PDE8A: variants seen among roughly 807,000 people sequenced by gnomAD.
The protein encoded by PDE8A is high affinity cAMP-specific and IBMX-insensitive 3',5'-cyclic phosphodiesterase 8A.
A neutral mutation model predicts 105.0 loss-of-function variants in PDE8A; 59 were observed. That is an observed-to-expected ratio of 0.56 (90% confidence interval 0.46 to 0.70). The LOEUF (loss-of-function observed/expected upper bound fraction) is 0.70. Ranked by LOEUF, PDE8A falls within the 30% of genes least tolerant of loss-of-function variation. The pLI is 0.00. For synonymous variants in PDE8A, 355 were observed against 371.9 expected, an observed-to-expected ratio of 0.95 and a Z score of 0.52; for missense variants, 1,014 against 1,045.9, an observed-to-expected ratio of 0.97 and a Z score of 0.42.
At chr15:85,126,533 T>C (rs935977696) in intron 20 of PDE8A, among the ~76,000 whole-genome samples, 159 bp downstream of exon 20, 2 of 151,754 alleles carry the variant, frequency 1.3e-5, no homozygotes, top group African/African-American at 4.8e-5. Flanking sequence ...ATTTTTTTTT[T>C]CTTAAGAATA....
chr15:85,003,929 T>C (rs2080105202), intron 1 of PDE8A, among the ~76,000 whole-genome samples: 1 of 152,220 alleles, frequency 6.6e-6, no homozygotes, highest in Non-Finnish European at 1.5e-5. Flanking sequence ...AAGGTTGCCA[T>C]GCTTGTCTAT....
rs369174231 is a variant in PDE8A at position 85,002,957 on chromosome 15, TTATTA to T, written c.186+20613_186+20617del. On this transcript the variant is annotated intron_variant, in intron 1 of 21. Coordinates refer to ENST00000394553, the MANE Select transcript of PDE8A (RefSeq NM_002605.3). ...GGAAGAAGACCAAAATATGTATTTC[TTATTA>T]TATCACAACTATACTTTGGTATTTC... is the stretch of plus-strand genomic sequence containing the variant. 1.7e-4 allele frequency among the ~76,000 whole-genome samples: 26 copies of T among 152,344 alleles called. No homozygotes were observed. In the East Asian group the frequency reaches 4.6e-3, roughly 27 times the overall value.
intron 15 of PDE8A, 38 bp from the exon 16 acceptor site, chr15:85,115,935 AGTTAATCCTTT>A (rs1596534207): frequency 8.5e-6 from 13 of 1,521,292 alleles, no homozygotes; most frequent in Admixed American, 1.9e-5. Context: ...AAAAAAAAAA[AGTTAATCCTTT>A]AAAGCCTATT....
At chr15:84,995,032 A>T (rs2079952763) in intron 1 of PDE8A, among the ~76,000 whole-genome samples, 1 of 152,044 alleles carries the variant, frequency 6.6e-6, no homozygotes, top group Non-Finnish European at 1.5e-5. Context: ...ATATTTCAGC[A>T]TGAATTTGAT....
chr15:85,000,819 C>T (rs2290273), intron 1 of PDE8A, among the ~76,000 whole-genome samples: 64,645 of 152,016 alleles, frequency 0.43, 14,927 homozygotes, highest in East Asian at 0.56. Flanking sequence ...AAATAATCTG[C>T]CCTGTTTTTC....
At chr15:84,981,838 C>T, upstream of PDE8A, 1 of 175,894 alleles carries the variant, frequency 5.7e-6, no homozygotes, top group Admixed American at 6.3e-5. Flanking sequence ...AATCTCCTCC[C>T]CCTATTTCCC....
chr15:85,110,433 A>G (rs549306442), intron 12 of PDE8A, among the ~76,000 whole-genome samples: 16 of 152,202 alleles, frequency 1.1e-4, no homozygotes, highest in Non-Finnish European at 1.5e-4. Context: ...CCCAAAATAG[A>G]TATAGAAAAT....
intron 1 of PDE8A, among the ~76,000 whole-genome samples, chr15:84,994,962 C>CA (rs11439217): frequency 0.35 from 49,930 of 141,090 alleles, 8,668 homozygotes; most frequent in Middle Eastern, 0.47. Flanking sequence ...AACTCTGTCT[C>CA]AAAAAAAAAA....
chr15:85,041,794 T>C (rs1475692352), intron 1 of PDE8A, among the ~76,000 whole-genome samples: 2 of 152,144 alleles, frequency 1.3e-5, no homozygotes, highest in Admixed American at 6.5e-5. Flanking sequence ...GCGATGATTG[T>C]CCAAGGCTGG....
At chr15:85,092,325 G>GTT (rs146879205) in intron 8 of PDE8A, among the ~76,000 whole-genome samples, 11 of 135,728 alleles carry the variant, frequency 8.1e-5, no homozygotes, top group South Asian at 2.2e-4. Context: ...TTTTTTTGTT[G>GTT]TTGTTTTTTT....
At chr15:85,070,246 T>G (rs552324388) in intron 3 of PDE8A, among the ~76,000 whole-genome samples, 42 of 152,334 alleles carry the variant, frequency 2.8e-4, no homozygotes, top group African/African-American at 9.9e-4. Context: ...TTGGAACTCC[T>G]TACACTCCTT....
At chr15:85,044,329 G>C (rs1264932611) in intron 1 of PDE8A, among the ~76,000 whole-genome samples, 1 of 150,610 alleles carries the variant, frequency 6.6e-6, no homozygotes, top group Non-Finnish European at 1.5e-5. Context: ...TGTTTAAATC[G>C]ACTGATGGGA....
intron 19 of PDE8A, among the ~76,000 whole-genome samples, chr15:85,123,413 A>C (rs1315814899): frequency 6.6e-6 from 1 of 151,476 alleles, no homozygotes; most frequent in Non-Finnish European, 1.5e-5. Context: ...GTAATAACTT[A>C]CACGATCACA....
intron 15 of PDE8A, 52 bp from the exon 16 acceptor site, chr15:85,115,932 A>C: frequency 6.4e-7 from 1 of 1,551,182 alleles, no homozygotes; most frequent in East Asian, 2.2e-5. Context: ...AAAAAAAAAA[A>C]AAAGTTAATC....
chr15:85,001,059 A>G (rs1316199044), intron 1 of PDE8A, among the ~76,000 whole-genome samples: 1 of 152,108 alleles, frequency 6.6e-6, no homozygotes, highest in Non-Finnish European at 1.5e-5. Flanking sequence ...CAGTTGCCAA[A>G]TTCAGACTCC....
chr15:85,137,972 A>G lies in PDE8A; in HGVS notation c.*69A>G. The G allele has an allele frequency of 1.0e-6, 1 of 963,778 alleles. No individual in the cohort carries two copies. The highest frequency in any genetic ancestry group is 1.6e-5 in the African/African-American group (1 of 61,994). 59.7% of individuals were successfully genotyped at this position (963,778 alleles called of 1,614,324 possible). A position where few individuals can be genotyped will look rare whatever the true frequency, so the allele number is the denominator to read the frequency against. On this transcript the variant is annotated 3_prime_UTR_variant, in exon 22 of 22. Coordinates refer to ENST00000394553, the MANE Select transcript of PDE8A (RefSeq NM_002605.3). ...ATTTGGAATTCCTGAGGGCAGCCAGAGCTCCTTGGTCCTTTCAGTACTAGG... is the reference window on the plus strand; with the variant it reads ...ATTTGGAATTCCTGAGGGCAGCCAGGGCTCCTTGGTCCTTTCAGTACTAGG...
intron 5 of PDE8A, among the ~76,000 whole-genome samples, chr15:85,080,035 A>C (rs1249819901): frequency 6.6e-6 from 1 of 152,232 alleles, no homozygotes; most frequent in Non-Finnish European, 1.5e-5. Context: ...GACACTTAAC[A>C]TGATAAAAGG....
At chr15:85,076,053 AT>A (rs1196094250) in intron 4 of PDE8A, 135 bp downstream of exon 4, 3 of 512,636 alleles carry the variant, frequency 5.9e-6, no homozygotes, top group South Asian at 4.4e-5. Flanking sequence ...TTTATTCTTT[AT>A]TTTATTTTGC....
chr15:85,000,366 A>C (rs948961977), intron 1 of PDE8A, among the ~76,000 whole-genome samples: 3 of 152,184 alleles, frequency 2.0e-5, no homozygotes, highest in Non-Finnish European at 2.9e-5. Context: ...TAAACCAAAA[A>C]ACAGTTTTCA....
Sources: allele counts gnomAD v4.1 joint callset (sites outside exome capture counted in the v4.1 genomes callset), GRCh38; gene constraint gnomAD v4.1.1; transcripts MANE v1.5; gene names NCBI Gene and HGNC (gene_info 2026-07-23, HGNC 2026-07-21).